The following PPP4R4 variants were observed in gnomAD, a reference collection of about 807,000 sequenced individuals.
PPP4R4 encodes the protein protein phosphatase 4 regulatory subunit 4.
A neutral mutation model predicts 121.8 loss-of-function variants in PPP4R4; 70 were observed. The observed-to-expected ratio is 0.57, with a 90% CI of 0.47 to 0.70. The LOEUF (loss-of-function observed/expected upper bound fraction) is 0.70, where lower values mean the gene tolerates loss of function less well. PPP4R4 is among the 30% of genes least tolerant of loss of function. The probability of loss-of-function intolerance (pLI) is 0.00; values close to 1 mark genes in which losing one functional copy is unlikely to be tolerated. For missense variants in PPP4R4, 875 were observed against 1,033.6 expected, an observed-to-expected ratio of 0.85 and a Z score of 2.10; for synonymous variants, 348 against 355.7, an observed-to-expected ratio of 0.98 and a Z score of 0.24.
At chr14:94,226,585 G>T (rs912118873) in intron 3 of PPP4R4, among the ~76,000 whole-genome samples, 34 of 151,984 alleles carry the variant, frequency 2.2e-4, no homozygotes, top group Non-Finnish European at 3.7e-4. Flanking sequence ...CTATTTGAAA[G>T]TCTTTTATAA....
intron 3 of PPP4R4, among the ~76,000 whole-genome samples, chr14:94,221,117 C>T (rs1161918867): frequency 3.3e-5 from 5 of 152,040 alleles, no homozygotes; most frequent in African/African-American, 9.7e-5. Flanking sequence ...GTTTTTGACA[C>T]GGGGCAAAGG....
At chr14:94,219,085 T>C (rs1158203882) in intron 3 of PPP4R4, among the ~76,000 whole-genome samples, 12 of 147,366 alleles carry the variant, frequency 8.1e-5, no homozygotes, top group African/African-American at 1.7e-4. Flanking sequence ...CTTTTCTTTT[T>C]TTTTTTTTTT....
At chr14:94,242,812 T>C (rs1892702130) in intron 11 of PPP4R4, among the ~76,000 whole-genome samples, 1 of 152,190 alleles carries the variant, frequency 6.6e-6, no homozygotes, top group Non-Finnish European at 1.5e-5. Flanking sequence ...TTACTACAAA[T>C]GGATGGTGTT....
rs71431628 is a variant in PPP4R4 at position 94,225,091 on chromosome 14, T to C, written c.295-5496T>C. Among the ~76,000 whole-genome samples the C allele has an allele frequency of 3.4e-4, 52 of 151,780 alleles. No homozygotes were observed. The East Asian group carries it at 4.3e-3, about 12-fold the overall frequency. Reference sequence around the variant, plus strand: ...ACCTATGCAGGTATATAAATAGAAATGTTGGGGTTAATCTCATTCTAAGAT... The same window carrying C: ...ACCTATGCAGGTATATAAATAGAAACGTTGGGGTTAATCTCATTCTAAGAT... On this transcript the variant is annotated intron_variant, in intron 3 of 24. Coordinates refer to ENST00000304338, the MANE Select transcript of PPP4R4 (RefSeq NM_058237.2).
At chr14:94,208,382 C>A in intron 2 of PPP4R4, 82 bp from the exon 3 acceptor site, 1 of 947,826 alleles carries the variant, frequency 1.1e-6, no homozygotes, top group Non-Finnish European at 1.5e-6. Context: ...AGTCATTTTT[C>A]CAATTAGTCC....
chr14:94,200,573 A>G (rs1324827110), intron 2 of PPP4R4, among the ~76,000 whole-genome samples: 2 of 152,132 alleles, frequency 1.3e-5, no homozygotes, highest in African/African-American at 4.8e-5. Context: ...AGGGTTGTAT[A>G]CTTCCAAGAA....
intron 2 of PPP4R4, among the ~76,000 whole-genome samples, chr14:94,204,013 T>A (rs1890330511): frequency 1.3e-5 from 2 of 152,204 alleles, no homozygotes; most frequent in Admixed American, 1.3e-4. Flanking sequence ...TTACAGGGTC[T>A]TTCACAATGC....
chr14:94,264,842 T>C, intron 19 of PPP4R4, 36 bp from the exon 20 acceptor site: 1 of 1,471,056 alleles, frequency 6.8e-7, no homozygotes. Flanking sequence ...CCTACTTCAG[T>C]TGTACCTTTA....
intron 24 of PPP4R4, 98 bp downstream of exon 24, chr14:94,275,619 G>A: frequency 1.5e-6 from 2 of 1,336,996 alleles, no homozygotes; most frequent in East Asian, 2.3e-5. Context: ...AATAGAAAAT[G>A]TCTGTGATGA....
chr14:94,249,484 A>G (rs1893069432), intron 14 of PPP4R4, among the ~76,000 whole-genome samples: 1 of 152,102 alleles, frequency 6.6e-6, no homozygotes, highest in African/African-American at 2.4e-5. Flanking sequence ...ATGTAAATCA[A>G]GATAATGAAC....
Position 94,278,630 on chromosome 14 carries a change from A to T in PPP4R4, c.2609A>T (p.Lys870Ile). The change falls in exon 25 of 25, where the codon AAA (lysine) becomes ATA (isoleucine). Residue 870 changes from lysine (K) to isoleucine (I), a missense_variant. By Grantham distance (102) the Lys-to-Ile change is moderately radical. Transcript: ENST00000304338. ...QPRKATLKSR[K>I]SNP ...CTTTCTTCCCAAAGAAAATCCAGAA[A>T]ATCCAATCCTTAAATCAACTGCTTG... 6.3e-7 allele frequency: 1 copy of T among 1,586,162 alleles called. No homozygotes were observed. Among genetic ancestry groups the T allele is most frequent in the African/African-American group, 1.4e-5 (1 of 74,068 alleles).
At chr14:94,267,890 T>C (rs1894125176) in intron 23 of PPP4R4, among the ~76,000 whole-genome samples, 2 of 152,200 alleles carry the variant, frequency 1.3e-5, no homozygotes, top group Non-Finnish European at 2.9e-5. Context: ...AGGAGGAATG[T>C]ATATACTCAT....
chr14:94,269,385 C>T (rs756650957), intron 23 of PPP4R4, among the ~76,000 whole-genome samples: 7 of 151,924 alleles, frequency 4.6e-5, no homozygotes, highest in Non-Finnish European at 8.8e-5. Flanking sequence ...TTACATAAAA[C>T]TGTAAGGAGG....
intron 14 of PPP4R4, among the ~76,000 whole-genome samples, chr14:94,248,710 T>C (rs1893021902): frequency 6.6e-6 from 1 of 152,174 alleles, no homozygotes; most frequent in Admixed American, 6.5e-5. Context: ...GAAAAATAAT[T>C]TTAAAATTCC....
At chr14:94,259,464 T>G (rs892959221) in intron 19 of PPP4R4, 95 bp downstream of exon 19, 1 of 1,352,896 alleles carries the variant, frequency 7.4e-7, no homozygotes, top group African/African-American at 1.5e-5. Flanking sequence ...TTTCACCATT[T>G]CACATTACTC....
In PPP4R4 at chr14:94,258,806, G is replaced by A. The variant is rs1431127984; in HGVS notation, c.2034G>A (p.Met678Ile). The change falls in exon 18 of 25, where the codon ATG becomes ATA. Residue 678 changes from methionine to isoleucine, a missense_variant. Transcript: ENST00000304338. ...VKRTVLELDRMEMSMDAFQKK... is the reference protein window; with the variant it reads ...VKRTVLELDRIEMSMDAFQKK... Reference sequence around the variant, plus strand: ...AGACTGTATTAGAGTTGGACAGAATGGAAATGTCTATGGATGCTGTAAGTA... The same window carrying A: ...AGACTGTATTAGAGTTGGACAGAATAGAAATGTCTATGGATGCTGTAAGTA... 1 of 1,584,872 alleles carries A rather than the reference G, an allele frequency of 6.3e-7. No individual in the cohort carries two copies. Among genetic ancestry groups the A allele is most frequent in the Non-Finnish European group, 8.7e-7 (1 of 1,154,322 alleles).
intron 6 of PPP4R4, among the ~76,000 whole-genome samples, chr14:94,234,243 A>G (rs376383059): frequency 1.3e-5 from 2 of 152,296 alleles, no homozygotes; most frequent in African/African-American, 4.8e-5. Flanking sequence ...TACAAGAGTA[A>G]AGCTGAAGAG....
chr14:94,250,183 T>G lies in PPP4R4; in HGVS notation c.1623T>G (p.Pro541=). 3 of 1,608,036 alleles carry G rather than the reference T, an allele frequency of 1.9e-6. No homozygotes were observed. Among genetic ancestry groups the G allele is most frequent in the Non-Finnish European group, 2.6e-6 (3 of 1,174,826 alleles). The stretch of plus-strand genomic sequence containing the variant: ...CTTACTTCTTCAAGAATGTTTTACC[T>G]GTCCAAAAGGCGGCTTCACGAACTC... ...FTIMMTNNVL[P]VQKAASRTLC... The change falls in exon 15 of 25, where the codon CCT becomes CCG. Residue 541 remains proline, a synonymous_variant. Coordinates refer to ENST00000304338, the MANE Select transcript of PPP4R4 (RefSeq NM_058237.2).
At chr14:94,230,210 G>T (rs1382322023) in intron 3 of PPP4R4, among the ~76,000 whole-genome samples, 3 of 152,104 alleles carry the variant, frequency 2.0e-5, no homozygotes, top group Non-Finnish European at 4.4e-5. Flanking sequence ...ACATGTGATT[G>T]TCTGAGCTTT....
Sources: allele counts gnomAD v4.1 joint callset (sites outside exome capture counted in the v4.1 genomes callset), GRCh38; gene constraint gnomAD v4.1.1; transcripts MANE v1.5; gene names NCBI Gene and HGNC (gene_info 2026-07-23, HGNC 2026-07-21).